OCIAD1: variants seen among roughly 807,000 people sequenced by gnomAD.
OCIAD1 encodes OCIA domain containing 1.
Under a neutral mutation model 38.9 loss-of-function variants are expected in OCIAD1, and 29 were observed. The observed-to-expected ratio is 0.74, with a 90% confidence interval of 0.55 to 1.02. The LOEUF is 1.02. OCIAD1 is among the 50% of genes least tolerant of loss of function. The pLI is 0.00. For missense variants in OCIAD1, 288 were observed against 289.6 expected, an observed-to-expected ratio of 0.99 and a Z score of 0.04; for synonymous variants, 110 against 92.0, an observed-to-expected ratio of 1.20 and a Z score of -1.12.
At chr4:48,822,141 A>G (rs1777200631) in intron 1 of OCIAD1, among the ~76,000 whole-genome samples, 1 of 152,236 alleles carries the variant, frequency 6.6e-6, no homozygotes, top group South Asian at 2.1e-4. Flanking sequence ...CTGACTTCAA[A>G]CTATACTACA....
At chr4:48,813,626 A>G (rs1047559678) in intron 1 of OCIAD1, among the ~76,000 whole-genome samples, 3 of 152,236 alleles carry the variant, frequency 2.0e-5, no homozygotes, top group African/African-American at 7.2e-5. Context: ...ACTGTGCTCC[A>G]GCCTGGGTGA....
chr4:48,860,310 ATTTT>A (rs201518150), intron 8 of OCIAD1: 7 of 138,032 alleles, frequency 5.1e-5, no homozygotes, highest in Non-Finnish European at 7.9e-5. Flanking sequence ...ATTTCCCACT[ATTTT>A]TTTTTTTTTT....
At chr4:48,835,412 AT>A (rs2109523878) in intron 3 of OCIAD1, among the ~76,000 whole-genome samples, 1 of 152,308 alleles carries the variant, frequency 6.6e-6, no homozygotes, top group East Asian at 1.9e-4. Context: ...ATTTTACCAA[AT>A]TTCAATTTGG....
intron 1 of OCIAD1, among the ~76,000 whole-genome samples, chr4:48,820,368 A>C (rs1289487769): frequency 6.6e-6 from 1 of 152,246 alleles, no homozygotes; most frequent in Non-Finnish European, 1.5e-5. Context: ...ACAAAGAAAC[A>C]ACATACTAGA....
intron 4 of OCIAD1, among the ~76,000 whole-genome samples, chr4:48,843,591 C>A (rs1778719560): frequency 1.3e-5 from 2 of 152,166 alleles, no homozygotes; most frequent in Non-Finnish European, 1.5e-5. Context: ...TGAAGAACTT[C>A]ATTACAATAC....
chr4:48,816,423 C>T (rs898490604), intron 1 of OCIAD1, among the ~76,000 whole-genome samples: 15 of 150,434 alleles, frequency 1.0e-4, no homozygotes, highest in African/African-American at 3.2e-4. Flanking sequence ...GTCCCAGCTA[C>T]TCAGGAGGCC....
intron 3 of OCIAD1, among the ~76,000 whole-genome samples, chr4:48,839,664 A>G (rs1405499811): frequency 2.6e-5 from 4 of 152,196 alleles, no homozygotes; most frequent in South Asian, 4.1e-4. Flanking sequence ...TGTTATTATG[A>G]TTAATGAAAT....
At chr4:48,830,036 G>C (rs2109502739), upstream of OCIAD1, among the ~76,000 whole-genome samples, 1 of 152,334 alleles carries the variant, frequency 6.6e-6, no homozygotes, top group African/African-American at 2.4e-5. Flanking sequence ...AATTGACAAA[G>C]CAGGGAGTAG....
intron 1 of OCIAD1, among the ~76,000 whole-genome samples, chr4:48,806,945 C>G (rs1444336087): frequency 2.0e-5 from 3 of 152,034 alleles, no homozygotes; most frequent in Admixed American, 2.0e-4. Flanking sequence ...ACTCTGTTGC[C>G]CAGGCTGCAG....
intron 1 of OCIAD1, among the ~76,000 whole-genome samples, chr4:48,817,604 T>C (rs961075189): frequency 1.3e-5 from 2 of 152,220 alleles, no homozygotes; most frequent in African/African-American, 4.8e-5. Context: ...GAAAGGGGGC[T>C]GAAGCCAGGA....
chr4:48,856,076 A>G (rs150981318), intron 7 of OCIAD1: 22 of 151,352 alleles, frequency 1.5e-4, no homozygotes, highest in African/African-American at 5.3e-4. Flanking sequence ...GAATGTTAGC[A>G]TCTTTTTTTT....
intron 7 of OCIAD1, among the ~76,000 whole-genome samples, chr4:48,852,983 C>T (rs538522594): frequency 3.3e-5 from 5 of 151,102 alleles, no homozygotes; most frequent in East Asian, 2.0e-4. Flanking sequence ...CCCAGCTTCA[C>T]GCCATTCTGC....
At position 48,857,306 on chromosome 4, in the gene OCIAD1, T is replaced by A. The variant is rs1407119700; in HGVS notation, c.641T>A (p.Leu214Ter). The A allele has an allele frequency of 6.2e-7, 1 of 1,601,362 alleles. No homozygotes were observed. The highest frequency in any genetic ancestry group is 8.5e-7 in the Non-Finnish European group (1 of 1,173,694). ...NKNRESYEVSLTQKTDPSVRP... is the reference protein window; with the variant it reads ...NKNRESYEVS ...AACAGAGAGTCATATGAAGTATCTTTAACACAAAAGACTGACCCCTCAGTC... is the reference window on the plus strand; with the variant it reads ...AACAGAGAGTCATATGAAGTATCTTAAACACAAAAGACTGACCCCTCAGTC... Residue 214 changes from leucine to a stop codon, truncating the protein, a stop_gained, in exon 8 of 9, where the codon TTA becomes TAA. Coordinates refer to ENST00000264312, the MANE Select transcript of OCIAD1 (RefSeq NM_017830.4). LOFTEE classifies it high-confidence loss of function.
chr4:48,806,758 A>T (rs1777028130), intron 1 of OCIAD1, among the ~76,000 whole-genome samples: 1 of 152,074 alleles, frequency 6.6e-6, no homozygotes, highest in Non-Finnish European at 1.5e-5. Context: ...GGTGCGTGCC[A>T]CCATGCCCAG....
chr4:48,859,876 C>T (rs1467411256), intron 8 of OCIAD1, among the ~76,000 whole-genome samples: 1 of 152,108 alleles, frequency 6.6e-6, no homozygotes. Context: ...AGCAATGTCA[C>T]CACACATCCT....
At chr4:48,817,961 G>A (rs1777157690) in intron 1 of OCIAD1, among the ~76,000 whole-genome samples, 1 of 152,184 alleles carries the variant, frequency 6.6e-6, no homozygotes, top group African/African-American at 2.4e-5. Context: ...TGGGGGAAGG[G>A]GTGGTTGTGG....
Position 48,841,851 on chromosome 4 carries a change from G to A in OCIAD1, c.140-785G>A, listed in dbSNP as rs1376252323. Among the ~76,000 whole-genome samples, 4 of 151,926 alleles carry A rather than the reference G, an allele frequency of 2.6e-5. No homozygotes were observed. In the South Asian group the frequency reaches 8.3e-4, roughly 31 times the overall value. ...TTGGATTTTTCACTCTCGGTTTTAG[G>A]CATATATATATATAGATGTAATATT... is the stretch of plus-strand genomic sequence containing the variant. On this transcript the variant is annotated intron_variant, in intron 3 of 8. Coordinates refer to ENST00000264312, the MANE Select transcript of OCIAD1 (RefSeq NM_017830.4).
intron 1 of OCIAD1, among the ~76,000 whole-genome samples, chr4:48,820,589 T>A (rs1327570532): frequency 2.0e-5 from 3 of 152,174 alleles, no homozygotes; most frequent in African/African-American, 7.2e-5. Flanking sequence ...TGAAAAACCC[T>A]TCAAAAATTC....
chr4:48,833,206 C>T (rs1379125647), intron 2 of OCIAD1, among the ~76,000 whole-genome samples, 195 bp from the exon 3 acceptor site: 13 of 152,070 alleles, frequency 8.5e-5, no homozygotes, highest in East Asian at 7.7e-4. Context: ...GAGCCGAGAT[C>T]GCGCCATTGC....
Sources: allele counts gnomAD v4.1 joint callset (sites outside exome capture counted in the v4.1 genomes callset), GRCh38; gene constraint gnomAD v4.1.1; transcripts MANE v1.5; gene names NCBI Gene and HGNC (gene_info 2026-07-23, HGNC 2026-07-21).